XIRP2: variants seen among roughly 807,000 people sequenced by gnomAD.
The protein encoded by XIRP2 is xin actin binding repeat containing 2.
XIRP2 carries 236 observed loss-of-function variants against 277.0 expected under a neutral mutation model. The observed-to-expected ratio is 0.85, with a 90% CI of 0.77 to 0.95. The LOEUF (loss-of-function observed/expected upper bound fraction) is 0.95. Among genes scored for constraint, XIRP2 ranks in the 40% least tolerant of loss-of-function variants. The pLI is 0.00. For missense variants in XIRP2, 4,640 were observed against 4,157.5 expected (o/e 1.12, Z -3.19); for synonymous variants, 1,490 against 1,416.5 (o/e 1.05, Z -1.17).
chr2:166,920,590 A>G (rs545096319), intron 2 of XIRP2, among the ~76,000 whole-genome samples: 1 of 152,276 alleles, frequency 6.6e-6, no homozygotes, highest in African/African-American at 2.4e-5. Flanking sequence ...ATAGTTTGTC[A>G]GGATTTTCCC....
chr2:167,222,630 G>C (rs1474831369), intron 5 of XIRP2, among the ~76,000 whole-genome samples: 2 of 152,094 alleles, frequency 1.3e-5, no homozygotes, highest in African/African-American at 4.8e-5. Flanking sequence ...GAATGAAAAG[G>C]ACAACTTGAG....
intron 3 of XIRP2, among the ~76,000 whole-genome samples, chr2:167,205,201 T>C (rs1307512767): frequency 3.3e-5 from 5 of 152,172 alleles, no homozygotes; most frequent in Non-Finnish European, 7.4e-5. Flanking sequence ...TACAAACCTA[T>C]TACACATTGG....
intron 3 of XIRP2, among the ~76,000 whole-genome samples, chr2:167,175,769 G>A (rs1286656395): frequency 6.6e-6 from 1 of 152,168 alleles, no homozygotes; most frequent in Admixed American, 6.5e-5. Flanking sequence ...CTCTGTCCCA[G>A]GGAGTTGGGG....
rs542214866 is a variant in XIRP2, at chr2:167,155,935, C to G, written c.562+19873C>G. Among the ~76,000 whole-genome samples, 38 of 150,292 alleles carry G rather than the reference C, an allele frequency of 2.5e-4. No individual in the cohort carries two copies. The East Asian group carries it at 5.8e-3, about 23-fold the overall frequency. Reference sequence around the variant, plus strand: ...AAAATCAATGTAAAAAAATCACAAGCATTCTTATACACCAATAACAGACAA... The same window carrying G: ...AAAATCAATGTAAAAAAATCACAAGGATTCTTATACACCAATAACAGACAA... On this transcript the variant is annotated intron_variant, in intron 3 of 10. Transcript: ENST00000409195.
At chr2:167,007,612 T>A (rs988168374) in intron 2 of XIRP2, among the ~76,000 whole-genome samples, 5 of 151,418 alleles carry the variant, frequency 3.3e-5, no homozygotes, top group African/African-American at 1.2e-4. Flanking sequence ...GGCAGTAATA[T>A]GTGGTACATG....
intron 2 of XIRP2, among the ~76,000 whole-genome samples, chr2:167,094,252 T>C (rs1690231136): frequency 6.6e-6 from 1 of 152,208 alleles, no homozygotes; most frequent in Non-Finnish European, 1.5e-5. Context: ...AAAAATTTTC[T>C]CCCATTCTGT....
chr2:166,957,889 C>T (rs574020771), intron 2 of XIRP2, among the ~76,000 whole-genome samples: 15 of 151,948 alleles, frequency 9.9e-5, no homozygotes, highest in Admixed American at 5.3e-4. Context: ...GCATTGTATA[C>T]AGTCGATTTC....
chr2:166,984,923 G>T (rs1029858268), intron 2 of XIRP2, among the ~76,000 whole-genome samples: 1 of 152,178 alleles, frequency 6.6e-6, no homozygotes, highest in African/African-American at 2.4e-5. Flanking sequence ...TTTCAAATCA[G>T]TTCCAACTAC....
chr2:167,104,059 T>A (rs1447980604), intron 2 of XIRP2, among the ~76,000 whole-genome samples: 1 of 152,154 alleles, frequency 6.6e-6, no homozygotes, highest in East Asian at 1.9e-4. Context: ...AGGTTTTGTA[T>A]GAGAACAAAA....
chr2:167,176,195 T>A (rs544607297), intron 3 of XIRP2, among the ~76,000 whole-genome samples: 2 of 152,212 alleles, frequency 1.3e-5, no homozygotes, highest in African/African-American at 4.8e-5. Flanking sequence ...GCTAGCTCAG[T>A]GTCTGCCCAA....
At chr2:166,909,332 A>G (rs1054789572) in intron 2 of XIRP2, among the ~76,000 whole-genome samples, 8 of 152,144 alleles carry the variant, frequency 5.3e-5, no homozygotes, top group African/African-American at 1.9e-4. Context: ...GGTCCTTCAC[A>G]TCCCTTGTAA....
Position 167,243,337 on chromosome 2 carries a change from G to A in XIRP2, c.1945G>A (p.Gly649Arg), listed in dbSNP as rs146433930. ...NAEKIPELAR[G>R]DVCTARWMFE... is the part of the protein sequence containing the mutation. ...AGAGAAAATTCCTGAGCTAGCCAGA[G>A]GAGATGTCTGCACAGCTCGGTGGAT... Residue 649 changes from glycine (G) to arginine (R), a missense_variant, in exon 9 of 11, where the codon GGA (glycine) becomes AGA (arginine). Physicochemically the swap from Gly to Arg is moderately radical, Grantham distance 125. Coordinates refer to ENST00000409195, the MANE Select transcript of XIRP2 (RefSeq NM_152381.6). 4 of 1,614,010 alleles carry A rather than the reference G, an allele frequency of 2.5e-6. No individual in the cohort carries two copies. The highest frequency in any genetic ancestry group is 3.4e-6 in the Non-Finnish European group (4 of 1,179,998).
intron 2 of XIRP2, among the ~76,000 whole-genome samples, chr2:167,002,130 A>C (rs1328588618): frequency 3.3e-5 from 5 of 152,084 alleles, no homozygotes; most frequent in Non-Finnish European, 7.4e-5. Flanking sequence ...GGCTTGTTTC[A>C]AGTTAATTGT....
chr2:167,109,924 G>A (rs1690708810), intron 2 of XIRP2, among the ~76,000 whole-genome samples: 1 of 152,126 alleles, frequency 6.6e-6, no homozygotes, highest in Non-Finnish European at 1.5e-5. Context: ...CTAATGATTA[G>A]TGATGTTGAG....
intron 1 of XIRP2, among the ~76,000 whole-genome samples, chr2:166,896,069 A>G (rs1433638144): frequency 1.3e-5 from 2 of 152,172 alleles, no homozygotes; most frequent in Admixed American, 6.6e-5. Context: ...AAATAAGTTA[A>G]GGACAACTTT....
chr2:166,937,358 G>A (rs1685548495), intron 2 of XIRP2, among the ~76,000 whole-genome samples: 1 of 152,144 alleles, frequency 6.6e-6, no homozygotes, highest in Non-Finnish European at 1.5e-5. Flanking sequence ...TGTGGTTTTG[G>A]TCTTTGGTTC....
intron 2 of XIRP2, among the ~76,000 whole-genome samples, chr2:167,018,637 T>A (rs1235540048): frequency 6.6e-6 from 1 of 152,048 alleles, no homozygotes; most frequent in Non-Finnish European, 1.5e-5. Context: ...CAGGGCATTT[T>A]ACTCATTTTT....
At chr2:167,097,013 T>A (rs1463571815) in intron 2 of XIRP2, among the ~76,000 whole-genome samples, 1 of 152,188 alleles carries the variant, frequency 6.6e-6, no homozygotes, top group Non-Finnish European at 1.5e-5. Flanking sequence ...AAGAATAATG[T>A]ATATTCTGTT....
chr2:166,994,339 AG>A (rs1222297571), intron 2 of XIRP2, among the ~76,000 whole-genome samples: 1 of 93,574 alleles, frequency 1.1e-5, no homozygotes, highest in African/African-American at 4.6e-5. Context: ...GGGTCGGGGG[AG>A]GGGGGAGGGA....
Sources: gnomAD v4.1 joint callset for allele counts (sites outside exome capture counted in the v4.1 genomes callset) on GRCh38, gnomAD v4.1.1 for gene constraint, MANE v1.5 for transcripts, NCBI Gene and HGNC (gene_info 2026-07-23, HGNC 2026-07-21) for gene names.